SEMA5A: variants seen among roughly 807,000 people sequenced by gnomAD.
SEMA5A encodes semaphorin 5A.
SEMA5A carries 55 observed loss-of-function variants against 135.5 expected under a neutral mutation model. The ratio of observed to expected loss-of-function variants is 0.41; its 90% CI spans 0.33 to 0.51. The LOEUF is 0.51. Among genes scored for constraint, SEMA5A ranks in the 20% least tolerant of loss-of-function variants. The pLI, the probability that SEMA5A is intolerant of heterozygous loss-of-function variation, is 0.37. For synonymous variants in SEMA5A, 580 were observed against 546.5 expected, an observed-to-expected ratio of 1.06 and a Z score of -0.85; for missense variants, 1,290 against 1,419.9, an observed-to-expected ratio of 0.91 and a Z score of 1.47.
At chr5:9,473,607 G>A (rs529885570) in intron 1 of SEMA5A, among the ~76,000 whole-genome samples, 38 of 151,584 alleles carry the variant, frequency 2.5e-4, no homozygotes, top group Middle Eastern at 3.4e-3. Flanking sequence ...GAGAGAGGAG[G>A]AAAGAAGGAG....
chr5:9,082,796 C>T (rs1247081613), intron 16 of SEMA5A, among the ~76,000 whole-genome samples: 4 of 152,132 alleles, frequency 2.6e-5, no homozygotes, highest in Admixed American at 1.3e-4. Flanking sequence ...GAGAAATCAT[C>T]CTTTCTTCCT....
At chr5:9,080,802 G>A (rs540313776) in intron 16 of SEMA5A, among the ~76,000 whole-genome samples, 37 of 152,094 alleles carry the variant, frequency 2.4e-4, no homozygotes, top group African/African-American at 6.0e-4. Flanking sequence ...TCATTGTAAC[G>A]CAGCTCTGAT....
At chr5:9,464,993 A>G (rs1052694970) in intron 1 of SEMA5A, among the ~76,000 whole-genome samples, 1 of 152,210 alleles carries the variant, frequency 6.6e-6, no homozygotes, top group African/African-American at 2.4e-5. Flanking sequence ...CTTCCTTGAA[A>G]TGCTTCTTTA....
intron 2 of SEMA5A, among the ~76,000 whole-genome samples, chr5:9,409,283 T>C (rs1255808420): frequency 6.6e-6 from 1 of 152,224 alleles, no homozygotes; most frequent in Non-Finnish European, 1.5e-5. Context: ...AACACGCCTC[T>C]TGCTAAATCT....
At chr5:9,314,432 T>G (rs1391474430) in intron 5 of SEMA5A, among the ~76,000 whole-genome samples, 1 of 151,630 alleles carries the variant, frequency 6.6e-6, no homozygotes, top group Non-Finnish European at 1.5e-5. Flanking sequence ...TATGCTGAAA[T>G]TAAAATATTT....
chr5:9,530,876 G>A (rs180705412), intron 1 of SEMA5A, among the ~76,000 whole-genome samples: 10 of 152,264 alleles, frequency 6.6e-5, no homozygotes, highest in Admixed American at 3.3e-4. Context: ...GGAGAGAGGC[G>A]AGAATGTGCC....
intron 3 of SEMA5A, among the ~76,000 whole-genome samples, chr5:9,339,015 T>C (rs1037922171): frequency 3.0e-4 from 46 of 152,274 alleles, no homozygotes; most frequent in African/African-American, 1.1e-3. Flanking sequence ...GGGTGAGTCA[T>C]ATAGAGAGGG....
intron 2 of SEMA5A, among the ~76,000 whole-genome samples, chr5:9,396,246 GCACACACACACACACA>G (rs147262677): frequency 6.7e-6 from 1 of 148,848 alleles, no homozygotes; most frequent in Non-Finnish European, 1.5e-5. Context: ...GCGCGTGCGT[GCACACACACACACACA>G]CACACACACA....
intron 5 of SEMA5A, among the ~76,000 whole-genome samples, chr5:9,291,369 A>G (rs2150584891): frequency 6.6e-6 from 1 of 152,314 alleles, no homozygotes; most frequent in African/African-American, 2.4e-5. Flanking sequence ...GATTCTGGAA[A>G]GCCTAACTCC....
intron 3 of SEMA5A, among the ~76,000 whole-genome samples, chr5:9,364,857 A>T (rs1199761247): frequency 6.6e-6 from 1 of 152,206 alleles, no homozygotes; most frequent in Non-Finnish European, 1.5e-5. Flanking sequence ...AAAATATATT[A>T]AAATGAGGAA....
At chr5:9,304,137 G>A (rs182975705) in intron 5 of SEMA5A, among the ~76,000 whole-genome samples, 232 of 152,206 alleles carry the variant, frequency 1.5e-3, no homozygotes, top group Non-Finnish European at 2.8e-3. Context: ...AATTGGAGCA[G>A]TTTTCTTGGA....
intron 1 of SEMA5A, among the ~76,000 whole-genome samples, chr5:9,505,448 A>G (rs952092249): frequency 2.6e-5 from 4 of 152,220 alleles, no homozygotes; most frequent in Non-Finnish European, 1.5e-5. Context: ...TCTCAGATAC[A>G]GCCTGGATGT....
chr5:9,109,728 A>T (rs35596817), intron 15 of SEMA5A, among the ~76,000 whole-genome samples: 4,967 of 152,298 alleles, frequency 0.033, 142 homozygotes, highest in Middle Eastern at 0.048. Context: ...AGGCTTCCTG[A>T]TCACAGGTAT....
At chr5:9,057,813 C>A (rs1389101319) in intron 18 of SEMA5A, among the ~76,000 whole-genome samples, 2 of 152,226 alleles carry the variant, frequency 1.3e-5, no homozygotes, top group Non-Finnish European at 2.9e-5. Context: ...CAGACCAATT[C>A]TAATGCGGTG....
Position 9,522,197 on chromosome 5 carries a change from AT to A in SEMA5A, c.-175+23386del, listed in dbSNP as rs201701051. ...CATGTAGAAAGGCAAGATCGGGCTA[AT>A]GTAATAAATAATCTCATACCTTGGA... is the stretch of plus-strand genomic sequence containing the variant. On this transcript the variant is annotated intron_variant, in intron 1 of 22. Transcript: ENST00000382496. 1.8e-3 allele frequency among the ~76,000 whole-genome samples: 276 copies of A among 152,316 alleles called. 6 individuals are homozygous for A. In the East Asian group the frequency reaches 0.036, roughly 20 times the overall value.
chr5:9,202,916 T>G (rs1429652053), intron 8 of SEMA5A, among the ~76,000 whole-genome samples: 2 of 152,176 alleles, frequency 1.3e-5, no homozygotes, highest in Non-Finnish European at 2.9e-5. Flanking sequence ...GGGAAGAGTA[T>G]GGGGATGGAG....
intron 15 of SEMA5A, among the ~76,000 whole-genome samples, chr5:9,113,860 G>A (rs1475586046): frequency 6.6e-6 from 1 of 152,160 alleles, no homozygotes; most frequent in Non-Finnish European, 1.5e-5. Flanking sequence ...AAGAACATTG[G>A]TGAAGTCTCT....
At chr5:9,310,315 A>T (rs1467412881) in intron 5 of SEMA5A, among the ~76,000 whole-genome samples, 4 of 152,168 alleles carry the variant, frequency 2.6e-5, no homozygotes, top group African/African-American at 9.7e-5. Context: ...GGCCAACGAC[A>T]TGCAAATGAA....
At chr5:9,133,383 G>A (rs1307891015) in intron 13 of SEMA5A, among the ~76,000 whole-genome samples, 1 of 152,016 alleles carries the variant, frequency 6.6e-6, no homozygotes, top group African/African-American at 2.4e-5. Flanking sequence ...CCTGTGTTTT[G>A]TGCAAAATGA....
Sources: allele counts gnomAD v4.1 joint callset (sites outside exome capture counted in the v4.1 genomes callset), GRCh38; gene constraint gnomAD v4.1.1; transcripts MANE v1.5; gene names NCBI Gene and HGNC (gene_info 2026-07-23, HGNC 2026-07-21).